The following VBP1 variants were observed in gnomAD, a reference collection of about 807,000 sequenced individuals.
The protein encoded by VBP1 is prefoldin subunit 3.
In VBP1, 4 loss-of-function variants were observed where a neutral mutation model predicts 15.5. The ratio of observed to expected loss-of-function variants is 0.26; its 90% CI spans 0.13 to 0.59. The LOEUF (loss-of-function observed/expected upper bound fraction) is 0.59. VBP1 is among the 20% of genes least tolerant of loss of function. The pLI is 0.90. For missense variants in VBP1, 108 were observed against 139.6 expected (o/e 0.77, Z 1.14); for synonymous variants, 61 against 52.1 (o/e 1.17, Z -0.74).
rs781986736 is a variant in VBP1 at position 155,203,770 on chromosome X, T to TA, written c.-30-5096dup. On this transcript the variant is annotated intron_variant, in intron 1 of 6. Transcript: ENST00000535916. The stretch of plus-strand genomic sequence containing the variant: ...AACTTAAAGTATAATAATAATAAAA[T>TA]AAAAAAAAGAATGCTTGGAATCAAT... Among the ~76,000 whole-genome samples the TA allele has an allele frequency of 8.7e-3, 970 of 110,867 alleles. 6 individuals carry two copies. The highest frequency in any genetic ancestry group is 0.03 in the African/African-American group (912 of 30,430).
At position 155,202,425 on chromosome X, in the gene VBP1, A is replaced by G. The variant is rs1390628870; in HGVS notation, c.-31+5286A>G. On this transcript the variant is annotated intron_variant, in intron 1 of 6. Coordinates refer to the VBP1 transcript ENST00000535916. ...CAAAACAGAGATATAGATCAATGGA[A>G]TGGAACAGAGCTCTCAGAAATAACG... Among the ~76,000 whole-genome samples, 152 of 111,769 alleles carry G rather than the reference A, an allele frequency of 1.4e-3. 1 individual carries two copies. Among genetic ancestry groups the G allele is most frequent in the Non-Finnish European group, 1.7e-3 (89 of 53,175 alleles).
intron 2 of VBP1, among the ~76,000 whole-genome samples, chrX:155,225,413 C>T (rs930336412): frequency 9.0e-6 from 1 of 111,555 alleles, no homozygotes; most frequent in African/African-American, 3.3e-5. Context: ...CTGGCCAGGC[C>T]GGTCTCGAAC....
chrX:155,230,387 A>G (rs1257117153), intron 4 of VBP1, among the ~76,000 whole-genome samples: 2 of 111,543 alleles, frequency 1.8e-5, no homozygotes, highest in African/African-American at 6.5e-5. Flanking sequence ...ATAATACCTT[A>G]CTTCCACGTA....
At chrX:155,215,049 A>T (rs1009629698), upstream of VBP1, among the ~76,000 whole-genome samples, 18 of 110,807 alleles carry the variant, frequency 1.6e-4, no homozygotes, top group African/African-American at 5.9e-4. Flanking sequence ...TCTTAGAGGG[A>T]TTTATTCCAA....
upstream of VBP1, among the ~76,000 whole-genome samples, chrX:155,215,691 C>T (rs781925957): frequency 1.1e-4 from 12 of 112,028 alleles, no homozygotes; most frequent in African/African-American, 3.9e-4. Flanking sequence ...CACTGCCTCA[C>T]TGGGAAACAC....
At chrX:155,207,105 T>A (rs2074628927) in intron 1 of VBP1, among the ~76,000 whole-genome samples, 1 of 111,429 alleles carries the variant, frequency 9.0e-6, no homozygotes, top group Non-Finnish European at 1.9e-5. Flanking sequence ...TTTATTAGTA[T>A]AACAGGGCTT....
At chrX:155,227,392 C>T (rs188489195) in intron 3 of VBP1, 91 bp downstream of exon 3, 1 of 649,174 alleles carries the variant, frequency 1.5e-6, no homozygotes, top group Non-Finnish European at 2.3e-6. Flanking sequence ...GATATTTGAT[C>T]TGTGCTGTGG....
At chrX:155,197,797 A>T in intron 1 of VBP1, among the ~76,000 whole-genome samples, 1 of 112,584 alleles carries the variant, frequency 8.9e-6, no homozygotes, top group Middle Eastern at 4.7e-3. Flanking sequence ...AAGCCGAAGC[A>T]GGGCGAGGCA....
At chrX:155,207,207 CA>C (rs782364352) in intron 1 of VBP1, among the ~76,000 whole-genome samples, 12 of 111,775 alleles carry the variant, frequency 1.1e-4, no homozygotes, top group African/African-American at 3.9e-4. Flanking sequence ...GTGAACAGAA[CA>C]GGGCCCATTT....
upstream of VBP1, among the ~76,000 whole-genome samples, chrX:155,212,454 C>T (rs1326722165): frequency 1.8e-5 from 2 of 111,357 alleles, no homozygotes; most frequent in African/African-American, 6.5e-5. Flanking sequence ...AGAAGGAACC[C>T]GGAGGATCCA....
exon 2 of VBP1, chrX:155,208,973 G>A (rs1557308303): frequency 8.7e-7 from 1 of 1,154,706 alleles, no homozygotes; most frequent in South Asian, 1.9e-5. Flanking sequence ...TCCATCCCCA[G>A]AGCATCAGGT....
chrX:155,210,582 G>A (rs1211247207), intron 2 of VBP1, among the ~76,000 whole-genome samples: 1 of 112,002 alleles, frequency 8.9e-6, no homozygotes, highest in East Asian at 2.8e-4. Context: ...TTTAGGGACT[G>A]CTACAGATCT....
At chrX:155,228,257 A>G (rs1383138632) in intron 3 of VBP1, 127 bp from the exon 4 acceptor site, 9 of 523,804 alleles carry the variant, frequency 1.7e-5, no homozygotes, top group East Asian at 1.1e-4. Context: ...TTCTTTTACC[A>G]CTACACTTAG....
intron 2 of VBP1, among the ~76,000 whole-genome samples, chrX:155,210,060 T>A (rs782074992): frequency 1.3e-4 from 14 of 111,216 alleles, no homozygotes; most frequent in Non-Finnish European, 2.6e-4. Flanking sequence ...GTTTGGAGGT[T>A]ATGTACTCTA....
intron 4 of VBP1, among the ~76,000 whole-genome samples, chrX:155,235,690 T>C (rs1314901944): frequency 3.6e-5 from 4 of 112,494 alleles, no homozygotes; most frequent in African/African-American, 1.3e-4. Flanking sequence ...ATAATAAATG[T>C]CTTTGAAAAA....
intron 2 of VBP1, among the ~76,000 whole-genome samples, chrX:155,224,338 G>C (rs782067281): frequency 2.7e-5 from 3 of 112,451 alleles, no homozygotes; most frequent in African/African-American, 6.5e-5. Flanking sequence ...GCGAGACTCC[G>C]TCTGCAATCC....
chrX:155,208,851 T>C (rs991669723), intron 1 of VBP1: 113 of 1,039,997 alleles, frequency 1.1e-4, no homozygotes, highest in African/African-American at 1.9e-5. Flanking sequence ...TTTTAACTGA[T>C]TGTTTTCTTT....
chrX:155,234,055 G>A (rs905577611), intron 4 of VBP1, among the ~76,000 whole-genome samples: 2 of 98,011 alleles, frequency 2.0e-5, no homozygotes, highest in Admixed American at 2.3e-4. Flanking sequence ...GTTTCATACT[G>A]TTACCTCCAA....
intron 4 of VBP1, among the ~76,000 whole-genome samples, chrX:155,235,582 A>G (rs962021414): frequency 8.9e-6 from 1 of 111,979 alleles, no homozygotes; most frequent in African/African-American, 3.3e-5. Context: ...TCAGAATGAC[A>G]GACACATTAC....
Sources: gnomAD v4.1 joint callset for allele counts (sites outside exome capture counted in the v4.1 genomes callset) on GRCh38, gnomAD v4.1.1 for gene constraint, MANE v1.5 for transcripts, NCBI Gene and HGNC (gene_info 2026-07-23, HGNC 2026-07-21) for gene names.